ZNF695: variants seen among roughly 807,000 people sequenced by gnomAD.
ZNF695 encodes zinc finger protein 695.
ZNF695 carries 11 observed loss-of-function variants against 11.2 expected under a neutral mutation model. The ratio of observed to expected loss-of-function variants is 0.98; its 90% CI spans 0.62 to 1.62. The LOEUF is 1.62. Among genes scored for constraint, ZNF695 ranks in the 40% most tolerant of loss-of-function variants. The pLI is 0.00. For missense variants in ZNF695, 559 were observed against 590.5 expected, an observed-to-expected ratio of 0.95 and a Z score of 0.55; for synonymous variants, 190 against 201.4, an observed-to-expected ratio of 0.94 and a Z score of 0.48.
At chr1:246,949,037 A>G (rs1357029040) in intron 5 of ZNF695, among the ~76,000 whole-genome samples, 1 of 152,210 alleles carries the variant, frequency 6.6e-6, no homozygotes, top group Non-Finnish European at 1.5e-5. Flanking sequence ...GATGCTTTCA[A>G]GAATATTTGC....
chr1:246,990,309 G>A (rs1558316696), intron 3 of ZNF695, among the ~76,000 whole-genome samples: 1 of 152,036 alleles, frequency 6.6e-6, no homozygotes, highest in Admixed American at 6.5e-5. Flanking sequence ...AAAAAGAGCA[G>A]GAGTCACTAT....
At chr1:246,999,560 G>T in intron 2 of ZNF695, 120 bp from the exon 3 acceptor site, 1 of 759,098 alleles carries the variant, frequency 1.3e-6, no homozygotes, top group Non-Finnish European at 2.1e-6. Flanking sequence ...CCAAAATACT[G>T]TTTTCTGACA....
At chr1:246,959,749 C>A (rs1020880183) in intron 5 of ZNF695, among the ~76,000 whole-genome samples, 3 of 151,996 alleles carry the variant, frequency 2.0e-5, no homozygotes, top group African/African-American at 7.3e-5. Context: ...TTTTTAGAAC[C>A]TAGACTATTG....
intron 5 of ZNF695, among the ~76,000 whole-genome samples, chr1:246,960,495 T>A (rs1022990378): frequency 7.9e-5 from 12 of 152,320 alleles, no homozygotes; most frequent in African/African-American, 2.9e-4. Context: ...GTTCTCTCTC[T>A]ATATATATGC....
Position 247,007,993 on chromosome 1 carries a change from A to C in ZNF695, c.-85T>G. 7.2e-7 allele frequency: 1 copy of C among 1,380,744 alleles called. No homozygotes were observed. Among genetic ancestry groups the C allele is most frequent in the Non-Finnish European group, 9.5e-7 (1 of 1,049,112 alleles). 85.5% of individuals were successfully genotyped at this position (1,380,744 alleles called of 1,614,324 possible). ...CAGGGCGATGGAGCCTGCGGCAGTCACCCGGGACTCTCCGAGAGGCAGCAG... is the reference window on the plus strand; with the variant it reads ...CAGGGCGATGGAGCCTGCGGCAGTCCCCCGGGACTCTCCGAGAGGCAGCAG... On this transcript the variant is annotated 5_prime_UTR_variant, in exon 1 of 4. Transcript: ENST00000339986.
chr1:246,948,472 A>C (rs577296030), intron 5 of ZNF695, among the ~76,000 whole-genome samples: 6 of 152,276 alleles, frequency 3.9e-5, no homozygotes, highest in Admixed American at 1.3e-4. Flanking sequence ...AGAAAATAAA[A>C]TGAGCCACGC....
At chr1:246,993,362 G>A (rs951664481) in intron 3 of ZNF695, among the ~76,000 whole-genome samples, 3 of 152,066 alleles carry the variant, frequency 2.0e-5, no homozygotes, top group Non-Finnish European at 2.9e-5. Flanking sequence ...AGCCGAGATT[G>A]CAGCACTGAA....
chr1:246,960,247 T>C (rs952856732), intron 5 of ZNF695, among the ~76,000 whole-genome samples: 1 of 152,110 alleles, frequency 6.6e-6, no homozygotes, highest in African/African-American at 2.4e-5. Flanking sequence ...AACCACAGTT[T>C]TATCTGGAAC....
rs571384663 is a variant in ZNF695, at chr1:246,991,725, A to G, written c.260-3470T>C. The stretch of plus-strand genomic sequence containing the variant: ...GAACAGTTTGGAGGTTTCTCAAAAC[A>G]CTAAAAATAGAGGTACCATATGATC... On this transcript the variant is annotated intron_variant, in intron 3 of 3. Transcript: ENST00000339986. Among the ~76,000 whole-genome samples the G allele has an allele frequency of 4.9e-4, 74 of 152,254 alleles. 1 individual carries two copies. The highest frequency in any genetic ancestry group is 5.4e-4 in the Non-Finnish European group (37 of 68,012).
rs556858911 is a variant in ZNF695, at chr1:247,001,402, A to T, written c.4-1328T>A. 6.4e-3 allele frequency among the ~76,000 whole-genome samples: 920 copies of T among 142,898 alleles called. 7 individuals are homozygous for T. The highest frequency in any genetic ancestry group is 0.022 in the African/African-American group (851 of 39,486). 93.7% of individuals were successfully genotyped at this position (142,898 alleles called of 152,430 possible). Reference sequence around the variant, plus strand: ...CATAGCAAGACCCTGTCTCTGTTTTAAAAAAAAAAAAAGAAAGAAAGAAAA... The same window carrying T: ...CATAGCAAGACCCTGTCTCTGTTTTTAAAAAAAAAAAAGAAAGAAAGAAAA... On this transcript the variant is annotated intron_variant, in intron 1 of 3. Transcript: ENST00000339986.
intron 4 of ZNF695, among the ~76,000 whole-genome samples, chr1:246,974,277 T>C (rs1286451445): frequency 6.6e-6 from 1 of 152,110 alleles, no homozygotes; most frequent in East Asian, 1.9e-4. Flanking sequence ...CTATCAGTTA[T>C]TCGGGAAGAC....
At chr1:247,001,460 G>A (rs532776809) in intron 1 of ZNF695, among the ~76,000 whole-genome samples, 1 of 150,870 alleles carries the variant, frequency 6.6e-6, no homozygotes, top group Non-Finnish European at 1.5e-5. Context: ...AGCTGTAATC[G>A]CAGCACTTTG....
chr1:246,966,177 G>C (rs187615749), intron 5 of ZNF695, among the ~76,000 whole-genome samples: 1 of 152,184 alleles, frequency 6.6e-6, no homozygotes, highest in Admixed American at 6.5e-5. Context: ...TGAGGACAGT[G>C]AGCAAGTGAG....
At chr1:246,994,285 A>T (rs185171144) in intron 3 of ZNF695, among the ~76,000 whole-genome samples, 3 of 152,240 alleles carry the variant, frequency 2.0e-5, no homozygotes, top group African/African-American at 7.2e-5. Flanking sequence ...TCACACCTGA[A>T]ATCCCAGCAC....
At chr1:246,991,661 G>A (rs776114183) in intron 3 of ZNF695, among the ~76,000 whole-genome samples, 13 of 152,098 alleles carry the variant, frequency 8.5e-5, no homozygotes, top group Non-Finnish European at 1.2e-4. Context: ...AAGAAACCCC[G>A]TACACTGTGG....
In ZNF695 at chr1:246,965,098, T is replaced by C. The variant is rs796486154; in HGVS notation, c.488+2597A>G. 5.3e-5 allele frequency among the ~76,000 whole-genome samples: 8 copies of C among 151,940 alleles called. No individual in the cohort carries two copies. The South Asian group carries it at 1.5e-3, about 28-fold the overall frequency. ...GAAGAGCAAGACAGGCCGGGCACGG[T>C]GGTTCACGCCTGTAATCCCAGCACT... On this transcript the variant is annotated intron_variant, in intron 5 of 5. Transcript: ENST00000487338.
chr1:246,975,298 G>A (rs900321380), intron 4 of ZNF695, among the ~76,000 whole-genome samples: 7 of 152,106 alleles, frequency 4.6e-5, no homozygotes, highest in Non-Finnish European at 1.0e-4. Flanking sequence ...AGCAGAAATT[G>A]TAACTTCGGA....
intron 5 of ZNF695, among the ~76,000 whole-genome samples, chr1:246,955,075 G>A (rs1265154666): frequency 2.6e-5 from 4 of 152,114 alleles, no homozygotes; most frequent in Non-Finnish European, 5.9e-5. Context: ...CAGTTCTCAC[G>A]ACAGTGAATA....
At chr1:246,949,422 C>G (rs769506447) in intron 5 of ZNF695, among the ~76,000 whole-genome samples, 18 of 152,064 alleles carry the variant, frequency 1.2e-4, no homozygotes, top group Non-Finnish European at 2.2e-4. Flanking sequence ...GAAACCCCGT[C>G]TCTACTAAAA....
Sources: allele counts gnomAD v4.1 joint callset (sites outside exome capture counted in the v4.1 genomes callset), GRCh38; gene constraint gnomAD v4.1.1; transcripts MANE v1.5; gene names NCBI Gene and HGNC (gene_info 2026-07-23, HGNC 2026-07-21).